The following TSPAN8 variants were observed in gnomAD, a reference collection of about 807,000 sequenced individuals.
TSPAN8 encodes the protein tetraspanin 8, also known as tetraspanin-8.
In TSPAN8, 21 loss-of-function variants were observed where a neutral mutation model predicts 32.8. The observed-to-expected ratio is 0.64, with a 90% CI of 0.45 to 0.92. The LOEUF is 0.92. TSPAN8 is among the 40% of genes least tolerant of loss of function. The pLI is 0.00. For missense variants in TSPAN8, 269 were observed against 281.9 expected, an observed-to-expected ratio of 0.95 and a Z score of 0.33; for synonymous variants, 95 against 94.6, an observed-to-expected ratio of 1.00 and a Z score of -0.03.
chr12:71,132,728 A>G lies in TSPAN8; in HGVS notation c.541T>C (p.Cys181Arg). The G allele has an allele frequency of 6.2e-7, 1 of 1,613,938 alleles. No individual in the cohort carries two copies. Among genetic ancestry groups the G allele is most frequent in the South Asian group, 1.1e-5 (1 of 91,074 alleles). Residue 181 changes from cysteine (C) to arginine (R), a missense_variant, in exon 7 of 9, where the codon TGC becomes CGC. Coordinates refer to ENST00000247829, the MANE Select transcript of TSPAN8 (RefSeq NM_004616.3). ...LCACLDKQRP[C>R]QSYNGKQVYK... ...ACTTGTTTTCCATTATAGCTTTGGCATGGTCTCTGCTTATCTAGACAGGCA... is the reference window on the plus strand; with the variant it reads ...ACTTGTTTTCCATTATAGCTTTGGCGTGGTCTCTGCTTATCTAGACAGGCA...
At chr12:71,144,248 A>G (rs1348283786) in intron 2 of TSPAN8, 35 bp from the exon 3 acceptor site, 2 of 1,588,026 alleles carry the variant, frequency 1.3e-6, no homozygotes, top group African/African-American at 2.7e-5. Context: ...AAAGAATACA[A>G]TTAGGATCAT....
chr12:71,129,235 T>G (rs1229046843), intron 8 of TSPAN8, 96 bp downstream of exon 8: 1 of 1,300,668 alleles, frequency 7.7e-7, no homozygotes, highest in South Asian at 1.5e-5. Context: ...TGTTGTGGTT[T>G]TTTTTTTTCT....
At chr12:71,144,747 C>T (rs1473889374) in intron 2 of TSPAN8, among the ~76,000 whole-genome samples, 1 of 152,082 alleles carries the variant, frequency 6.6e-6, no homozygotes, top group Non-Finnish European at 1.5e-5. Context: ...TAATAATCAA[C>T]ACTTTTTGAA....
intron 8 of TSPAN8, among the ~76,000 whole-genome samples, chr12:71,128,362 G>T (rs974673403): frequency 3.3e-5 from 5 of 152,158 alleles, no homozygotes; most frequent in African/African-American, 1.2e-4. Context: ...GCACGAGTAA[G>T]AGGTAGAAAA....
intron 2 of TSPAN8, among the ~76,000 whole-genome samples, chr12:71,155,425 C>G (rs1592412941): frequency 6.6e-6 from 1 of 152,218 alleles, no homozygotes; most frequent in East Asian, 1.9e-4. Flanking sequence ...ACAGCAAAAT[C>G]CAGACTGTGG....
chr12:71,134,210 G>C (rs915173807), intron 6 of TSPAN8, among the ~76,000 whole-genome samples: 3 of 152,146 alleles, frequency 2.0e-5, no homozygotes, highest in Admixed American at 6.5e-5. Context: ...CCAGGTTGAA[G>C]AAAGCACTCA....
At chr12:71,131,258 C>A (rs1328033388) in intron 7 of TSPAN8, among the ~76,000 whole-genome samples, 1 of 152,032 alleles carries the variant, frequency 6.6e-6, no homozygotes, top group Non-Finnish European at 1.5e-5. Flanking sequence ...AAGTAAGAAT[C>A]AAACTTTTTT....
intron 2 of TSPAN8, among the ~76,000 whole-genome samples, chr12:71,156,269 C>CAAAAAAAAA (rs1287011627): frequency 8.6e-4 from 28 of 32,518 alleles, no homozygotes; most frequent in South Asian, 5.9e-3. Flanking sequence ...AAAAAAAAAA[C>CAAAAAAAAA]AAACAAAAAA....
At chr12:71,148,754 AT>A (rs2137058894) in intron 2 of TSPAN8, among the ~76,000 whole-genome samples, 1 of 152,218 alleles carries the variant, frequency 6.6e-6, no homozygotes, top group African/African-American at 2.4e-5. Context: ...CACTGTCTTT[AT>A]TTAATGTGAT....
chr12:71,129,298 TA>T, intron 8 of TSPAN8, 32 bp downstream of exon 8: 1 of 1,495,490 alleles, frequency 6.7e-7, no homozygotes, highest in Non-Finnish European at 8.9e-7. Flanking sequence ...AGCAAGGGAA[TA>T]AAAGAGTCAA....
At chr12:71,129,947 CT>C (rs1479886650) in intron 7 of TSPAN8, among the ~76,000 whole-genome samples, 2 of 133,476 alleles carry the variant, frequency 1.5e-5, no homozygotes, top group African/African-American at 5.3e-5. Flanking sequence ...TTTTTTCTTT[CT>C]TTCTTTTTTT....
At chr12:71,139,956 G>C (rs1412029215) in intron 3 of TSPAN8, 108 bp from the exon 4 acceptor site, 3 of 982,936 alleles carry the variant, frequency 3.1e-6, no homozygotes, top group Non-Finnish European at 4.1e-6. Context: ...TCCTGTGCCA[G>C]GACCCTGAAA....
chr12:71,157,425 CT>C, intron 2 of TSPAN8, 193 bp downstream of exon 2: 2 of 501,996 alleles, frequency 4.0e-6, no homozygotes, highest in Non-Finnish European at 7.1e-6. Context: ...CTGAAGTGCA[CT>C]TTTTTGAGTC....
intron 2 of TSPAN8, among the ~76,000 whole-genome samples, chr12:71,154,974 T>G (rs563252382): frequency 5.2e-4 from 79 of 152,286 alleles, no homozygotes; most frequent in African/African-American, 1.9e-3. Context: ...AGGGTAAACA[T>G]TGTAATGGAG....
chr12:71,151,982 A>G (rs1592410974), intron 2 of TSPAN8, among the ~76,000 whole-genome samples: 1 of 152,254 alleles, frequency 6.6e-6, no homozygotes, highest in South Asian at 2.1e-4. Flanking sequence ...CCCATTATGT[A>G]TAAAATACTG....
rs77065090 is a variant in TSPAN8, at chr12:71,138,587, T to C, written c.262-357A>G. On this transcript the variant is annotated intron_variant, in intron 4 of 8. Transcript: ENST00000247829. ...AACACAACCTCACACAAACTCAGAATTGGCTTTGAAACAGCATCTCCACTA... is the reference window on the plus strand; with the variant it reads ...AACACAACCTCACACAAACTCAGAACTGGCTTTGAAACAGCATCTCCACTA... Among the ~76,000 whole-genome samples, 1,157 of 152,340 alleles carry C rather than the reference T, an allele frequency of 7.6e-3. 20 individuals are homozygous for C. The highest frequency in any genetic ancestry group is 0.026 in the African/African-American group (1,098 of 41,582).
At chr12:71,151,698 C>T (rs983382835) in intron 2 of TSPAN8, among the ~76,000 whole-genome samples, 11 of 152,246 alleles carry the variant, frequency 7.2e-5, no homozygotes, top group Admixed American at 6.5e-4. Context: ...CCACAAGCCA[C>T]AGGGCATTAT....
intron 6 of TSPAN8, among the ~76,000 whole-genome samples, chr12:71,137,574 TG>T (rs2137051181): frequency 6.8e-6 from 1 of 147,994 alleles, no homozygotes; most frequent in South Asian, 2.2e-4. Flanking sequence ...CACTCCAGCC[TG>T]GGTGACAGAG....
At chr12:71,152,598 A>G (rs912717142) in intron 2 of TSPAN8, among the ~76,000 whole-genome samples, 6 of 152,224 alleles carry the variant, frequency 3.9e-5, no homozygotes, top group African/African-American at 1.2e-4. Context: ...TCCCCAAAGA[A>G]GCACAGCTAC....
Sources: gnomAD v4.1 joint callset for allele counts (sites outside exome capture counted in the v4.1 genomes callset) on GRCh38, gnomAD v4.1.1 for gene constraint, MANE v1.5 for transcripts, NCBI Gene and HGNC (gene_info 2026-07-23, HGNC 2026-07-21) for gene names.